Variants in KCNMA1 observed in about 807,000 individuals in gnomAD.
The protein encoded by KCNMA1 is potassium calcium-activated channel subfamily M alpha 1.
A neutral mutation model predicts 140.0 loss-of-function variants in KCNMA1; 29 were observed. The ratio of observed to expected loss-of-function variants is 0.21; its 90% CI spans 0.15 to 0.28. The LOEUF is 0.28. Among genes scored for constraint, KCNMA1 ranks in the 10% least tolerant of loss-of-function variants. KCNMA1 has a pLI of 1.00. For missense variants in KCNMA1, 880 were observed against 1,602.2 expected (o/e 0.55, Z 7.70); for synonymous variants, 612 against 611.9 (o/e 1.00, Z 0.00).
At chr10:77,241,062 T>A (rs1018319595) in intron 3 of KCNMA1, among the ~76,000 whole-genome samples, 2 of 152,216 alleles carry the variant, frequency 1.3e-5, no homozygotes, top group African/African-American at 4.8e-5. Flanking sequence ...AGCCAAGTTA[T>A]CAGACAGGGC....
At chr10:77,011,051 T>C (rs986680535) in intron 18 of KCNMA1, among the ~76,000 whole-genome samples, 15 of 152,068 alleles carry the variant, frequency 9.9e-5, no homozygotes, top group African/African-American at 3.6e-4. Context: ...ATAACACCCC[T>C]GCCAATTACA....
chr10:77,262,800 T>G (rs1208070238), intron 2 of KCNMA1, among the ~76,000 whole-genome samples: 1 of 152,060 alleles, frequency 6.6e-6, no homozygotes, highest in Non-Finnish European at 1.5e-5. Flanking sequence ...CAGAAGTGGG[T>G]GCCATGCTTG....
At chr10:77,101,057 T>C (rs1288153008) in intron 9 of KCNMA1, among the ~76,000 whole-genome samples, 1 of 152,016 alleles carries the variant, frequency 6.6e-6, no homozygotes, top group African/African-American at 2.4e-5. Flanking sequence ...TATCAGGAAA[T>C]TGATTTAATA....
chr10:77,036,444 C>G (rs544668363), intron 15 of KCNMA1, among the ~76,000 whole-genome samples: 1 of 152,316 alleles, frequency 6.6e-6, no homozygotes, highest in South Asian at 2.1e-4. Context: ...CCAATCCCAC[C>G]CTGCAAGGGA....
chr10:77,204,208 T>G (rs894389745), intron 3 of KCNMA1, among the ~76,000 whole-genome samples: 1 of 152,128 alleles, frequency 6.6e-6, no homozygotes, highest in Admixed American at 6.6e-5. Context: ...AAGGACTGAT[T>G]TGTGTGCTCT....
intron 1 of KCNMA1, among the ~76,000 whole-genome samples, chr10:77,620,681 T>C (rs1320279585): frequency 1.3e-5 from 2 of 152,222 alleles, no homozygotes; most frequent in African/African-American, 2.4e-5. Flanking sequence ...GGGTTCTCTC[T>C]GGCCACTCCC....
chr10:77,601,791 C>T (rs1000652453), intron 1 of KCNMA1, among the ~76,000 whole-genome samples: 3 of 152,176 alleles, frequency 2.0e-5, no homozygotes, highest in Admixed American at 6.5e-5. Context: ...TCAAGGCAAC[C>T]TCCTGGCCCT....
chr10:77,068,516 AAAACATGACAG>A (rs1384694418), intron 14 of KCNMA1, among the ~76,000 whole-genome samples: 2 of 152,164 alleles, frequency 1.3e-5, no homozygotes, highest in Non-Finnish European at 2.9e-5. Context: ...TCAGAAACAG[AAAACATGACAG>A]AGAAGCGTGT....
In KCNMA1 at chr10:77,026,978, A is replaced by G. The variant is rs1277210367; in HGVS notation, c.1928+845T>C. Among the ~76,000 whole-genome samples, 6 of 152,226 alleles carry G rather than the reference A, an allele frequency of 3.9e-5. No homozygotes were observed. In the East Asian group the frequency reaches 1.2e-3, roughly 29 times the overall value. ...TCTACATTTGGGCATCTGCAGGATCAAAAATATGAACTATAGAGGAATAGA... is the reference window on the plus strand; with the variant it reads ...TCTACATTTGGGCATCTGCAGGATCGAAAATATGAACTATAGAGGAATAGA... On this transcript the variant is annotated intron_variant, in intron 16 of 27. Transcript: ENST00000286628.
intron 17 of KCNMA1, among the ~76,000 whole-genome samples, chr10:77,013,744 A>T (rs1400313325): frequency 6.6e-6 from 1 of 152,206 alleles, no homozygotes; most frequent in Non-Finnish European, 1.5e-5. Context: ...AGGAGGTATG[A>T]TTATTATTTC....
intron 1 of KCNMA1, among the ~76,000 whole-genome samples, chr10:77,487,494 C>T (rs2098475000): frequency 6.6e-6 from 1 of 152,122 alleles, no homozygotes; most frequent in Admixed American, 6.5e-5. Flanking sequence ...ATCACACTTG[C>T]CCTCAAAGGG....
chr10:77,518,739 C>T (rs1390409926), intron 1 of KCNMA1, among the ~76,000 whole-genome samples: 1 of 152,116 alleles, frequency 6.6e-6, no homozygotes, highest in East Asian at 1.9e-4. Flanking sequence ...TTTGGGGACT[C>T]CAGCGGGGAG....
At chr10:77,303,860 C>G (rs974426456) in intron 2 of KCNMA1, among the ~76,000 whole-genome samples, 1 of 152,242 alleles carries the variant, frequency 6.6e-6, no homozygotes, top group Non-Finnish European at 1.5e-5. Context: ...AAATTGAGAA[C>G]AGACTCATTG....
intron 16 of KCNMA1, among the ~76,000 whole-genome samples, chr10:77,025,609 C>T (rs908373829): frequency 6.6e-6 from 1 of 151,854 alleles, no homozygotes; most frequent in African/African-American, 2.4e-5. Context: ...AAAACAGTAT[C>T]ATGGGGTGAA....
chr10:77,440,511 G>A (rs1161953258), intron 1 of KCNMA1, among the ~76,000 whole-genome samples: 1 of 152,196 alleles, frequency 6.6e-6, no homozygotes, highest in East Asian at 1.9e-4. Context: ...GGAAGACTCG[G>A]TCCAGGGGAG....
In KCNMA1 at chr10:77,031,931, T is replaced by C. The variant is rs116779066; in HGVS notation, c.1860-4040A>G. On this transcript the variant is annotated intron_variant, in intron 15 of 27. Transcript: ENST00000286628. ...ACTGGCTGGAGGGATGGAGAAAAGA[T>C]AAAGTGGCAAACTAGGAAAGTCTAT... Among the ~76,000 whole-genome samples, 451 of 152,280 alleles carry C rather than the reference T, an allele frequency of 3.0e-3. 2 individuals carry two copies. Among genetic ancestry groups the C allele is most frequent in the African/African-American group, 0.01 (426 of 41,546 alleles).
intron 1 of KCNMA1, among the ~76,000 whole-genome samples, chr10:77,593,746 T>C (rs1376209104): frequency 2.0e-5 from 3 of 152,186 alleles, no homozygotes; most frequent in African/African-American, 7.2e-5. Context: ...CCTCATCTTC[T>C]TTCTGCTGCT....
At chr10:76,980,819 C>A (rs2079208231) in intron 19 of KCNMA1, among the ~76,000 whole-genome samples, 1 of 152,142 alleles carries the variant, frequency 6.6e-6, no homozygotes, top group Admixed American at 6.5e-5. Flanking sequence ...TGGGATATCC[C>A]TCCACAAATG....
intron 15 of KCNMA1, among the ~76,000 whole-genome samples, chr10:77,030,640 T>A (rs186701167): frequency 1.6e-3 from 243 of 152,294 alleles, no homozygotes; most frequent in Middle Eastern, 3.4e-3. Flanking sequence ...TTCGTAGTAA[T>A]GGTGAATTAT....
Sources: gnomAD v4.1 joint callset for allele counts (sites outside exome capture counted in the v4.1 genomes callset) on GRCh38, gnomAD v4.1.1 for gene constraint, MANE v1.5 for transcripts, NCBI Gene and HGNC (gene_info 2026-07-23, HGNC 2026-07-21) for gene names.